Variants in CACHD1 observed in about 807,000 individuals in gnomAD.
CACHD1 encodes the protein VWFA and cache domain-containing protein 1.
CACHD1 carries 71 observed loss-of-function variants against 138.7 expected under a neutral mutation model. That is an observed-to-expected ratio of 0.51 (90% CI 0.42 to 0.62). The LOEUF is 0.62. CACHD1 is among the 20% of genes least tolerant of loss of function. The probability of loss-of-function intolerance (pLI) is 0.00; values close to 1 mark genes in which losing one functional copy is unlikely to be tolerated. For synonymous variants in CACHD1, 578 were observed against 591.5 expected (o/e 0.98, Z 0.33); for missense variants, 1,389 against 1,625.3 (o/e 0.85, Z 2.50).
At chr1:64,491,680 C>G (rs1165172437) in intron 1 of CACHD1, among the ~76,000 whole-genome samples, 3 of 152,160 alleles carry the variant, frequency 2.0e-5, no homozygotes, top group African/African-American at 7.2e-5. Context: ...CTCTGTTGCC[C>G]AGCTTGGCTC....
At chr1:64,500,321 C>T (rs1646330926) in intron 1 of CACHD1, among the ~76,000 whole-genome samples, 2 of 152,108 alleles carry the variant, frequency 1.3e-5, no homozygotes, top group African/African-American at 4.8e-5. Flanking sequence ...TTTTCATTTG[C>T]CAGTAGTGTT....
At chr1:64,616,519 T>G (rs1196193233) in intron 4 of CACHD1, among the ~76,000 whole-genome samples, 1 of 152,216 alleles carries the variant, frequency 6.6e-6, no homozygotes, top group Non-Finnish European at 1.5e-5. Flanking sequence ...GTGGCAAGCA[T>G]GCATTTTGGA....
intron 7 of CACHD1, among the ~76,000 whole-genome samples, chr1:64,641,455 A>G (rs1354571223): frequency 6.6e-6 from 1 of 152,246 alleles, no homozygotes; most frequent in African/African-American, 2.4e-5. Flanking sequence ...TGCATCACAG[A>G]GGAAAGGATA....
At chr1:64,506,986 G>A (rs1295633253) in intron 1 of CACHD1, among the ~76,000 whole-genome samples, 1 of 152,176 alleles carries the variant, frequency 6.6e-6, no homozygotes, top group Non-Finnish European at 1.5e-5. Flanking sequence ...CTGTTGTTAG[G>A]TAGGGATTTC....
rs1175717358 is a variant in CACHD1, at chr1:64,652,270, A to G, written c.1500A>G (p.Gln500=). ...AYILEDVTYY[Q]DSLASYTFLI... ...TTCTTGAAGACGTGACGTATTACCA[A>G]GACTCTTTGGCTTCCTATACTTTTC... is the stretch of plus-strand genomic sequence containing the variant. Residue 500 remains glutamine (Q), a synonymous_variant, in exon 10 of 27, where the codon CAA becomes CAG. Transcript: ENST00000651257. 1.2e-6 allele frequency: 2 copies of G among 1,613,568 alleles called. No homozygotes were observed. The highest frequency in any genetic ancestry group is 1.1e-5 in the South Asian group (1 of 90,996).
chr1:64,690,355 A>G (rs1390469941), intron 26 of CACHD1, among the ~76,000 whole-genome samples: 1 of 152,202 alleles, frequency 6.6e-6, no homozygotes, highest in Non-Finnish European at 1.5e-5. Flanking sequence ...TGTGACTAGC[A>G]TTACCCACGG....
At chr1:64,574,787 G>A (rs1646954316) in intron 2 of CACHD1, among the ~76,000 whole-genome samples, 1 of 152,142 alleles carries the variant, frequency 6.6e-6, no homozygotes, top group South Asian at 2.1e-4. Context: ...ATTAAGTTGA[G>A]GCTTAGAAAA....
At chr1:64,664,389 A>G in intron 14 of CACHD1, 109 bp from the exon 15 acceptor site, 1 of 1,046,356 alleles carries the variant, frequency 9.6e-7, no homozygotes, top group Middle Eastern at 2.8e-4. Flanking sequence ...TTTAAAAAGT[A>G]ATTCGGCTTG....
intron 2 of CACHD1, among the ~76,000 whole-genome samples, chr1:64,578,769 G>T (rs947181262): frequency 6.6e-6 from 1 of 152,162 alleles, no homozygotes; most frequent in Non-Finnish European, 1.5e-5. Flanking sequence ...TTACAGCTGC[G>T]TAGCTGACAG....
chr1:64,601,783 G>T (rs1557514113), intron 3 of CACHD1, among the ~76,000 whole-genome samples: 1 of 152,188 alleles, frequency 6.6e-6, no homozygotes, highest in Non-Finnish European at 1.5e-5. Context: ...GGTTCATGGA[G>T]TTGCATTAGT....
At chr1:64,492,618 G>A (rs1646283989) in intron 1 of CACHD1, among the ~76,000 whole-genome samples, 1 of 151,734 alleles carries the variant, frequency 6.6e-6, no homozygotes, top group African/African-American at 2.4e-5. Context: ...TAAGCTCCAG[G>A]TGCCCAGCAG....
At chr1:64,504,947 TG>T (rs1365331897) in intron 1 of CACHD1, among the ~76,000 whole-genome samples, 1 of 152,196 alleles carries the variant, frequency 6.6e-6, no homozygotes, top group Non-Finnish European at 1.5e-5. Context: ...TGATAGTTTT[TG>T]TTTATATTTT....
chr1:64,573,417 A>G (rs937783814), intron 2 of CACHD1, among the ~76,000 whole-genome samples: 1 of 152,194 alleles, frequency 6.6e-6, no homozygotes, highest in Non-Finnish European at 1.5e-5. Flanking sequence ...AACTATGAGA[A>G]ATAAATATTT....
At chr1:64,622,795 G>T (rs1444081795) in intron 4 of CACHD1, among the ~76,000 whole-genome samples, 14 of 152,152 alleles carry the variant, frequency 9.2e-5, no homozygotes, top group African/African-American at 3.4e-4. Context: ...TACACCATAT[G>T]TGAAACTGTT....
At chr1:64,645,059 T>G (rs181415770) in intron 8 of CACHD1, among the ~76,000 whole-genome samples, 1 of 152,176 alleles carries the variant, frequency 6.6e-6, no homozygotes, top group Non-Finnish European at 1.5e-5. Context: ...ATGGCACCAC[T>G]GCACTACAGC....
At chr1:64,583,800 T>C (rs1647030542) in intron 3 of CACHD1, among the ~76,000 whole-genome samples, 1 of 151,840 alleles carries the variant, frequency 6.6e-6, no homozygotes, top group East Asian at 1.9e-4. Context: ...AGCTGCCCTT[T>C]ATAAAACCGT....
At chr1:64,527,278 G>T (rs1646548319) in intron 1 of CACHD1, among the ~76,000 whole-genome samples, 1 of 152,154 alleles carries the variant, frequency 6.6e-6, no homozygotes, top group African/African-American at 2.4e-5. Flanking sequence ...ATTCAGTGCG[G>T]CCCATGTGAC....
At chr1:64,672,101 A>T (rs188579994) in intron 17 of CACHD1, among the ~76,000 whole-genome samples, 1 of 152,308 alleles carries the variant, frequency 6.6e-6, no homozygotes, top group East Asian at 1.9e-4. Flanking sequence ...TTTCCCCAGA[A>T]AGAGACCATG....
intron 26 of CACHD1, among the ~76,000 whole-genome samples, chr1:64,689,158 A>G (rs1650461739): frequency 6.6e-6 from 1 of 152,204 alleles, no homozygotes; most frequent in Non-Finnish European, 1.5e-5. Context: ...GACCATGCTT[A>G]TGGTGGACAC....
Sources: gnomAD v4.1 joint callset for allele counts (sites outside exome capture counted in the v4.1 genomes callset) on GRCh38, gnomAD v4.1.1 for gene constraint, MANE v1.5 for transcripts, NCBI Gene and HGNC (gene_info 2026-07-23, HGNC 2026-07-21) for gene names.